TNPO3: variants seen among roughly 807,000 people sequenced by gnomAD.
The protein encoded by TNPO3 is transportin-3.
TNPO3 carries 65 observed loss-of-function variants against 122.8 expected under a neutral mutation model. The ratio of observed to expected loss-of-function variants is 0.53; its 90% confidence interval spans 0.43 to 0.65. The LOEUF (loss-of-function observed/expected upper bound fraction) is 0.65, where lower values mean the gene tolerates loss of function less well. Ranked by LOEUF, TNPO3 falls within the 30% of genes least tolerant of loss-of-function variation. TNPO3 has a pLI of 0.00. For synonymous variants in TNPO3, 372 were observed against 411.2 expected, an observed-to-expected ratio of 0.90 and a Z score of 1.15; for missense variants, 850 against 1,136.7, an observed-to-expected ratio of 0.75 and a Z score of 3.63.
At chr7:128,979,342 C>T (rs755142210) in intron 15 of TNPO3, among the ~76,000 whole-genome samples, 3 of 152,184 alleles carry the variant, frequency 2.0e-5, no homozygotes, top group Admixed American at 6.5e-5. Flanking sequence ...ACTGGAAGAG[C>T]ATGTCTAACT....
upstream of TNPO3, chr7:129,055,858 G>C: frequency 6.8e-6 from 4 of 584,184 alleles, no homozygotes; most frequent in Non-Finnish European, 1.2e-5. Context: ...ATTGCTGCTA[G>C]TCCTTTGCAC....
intron 2 of TNPO3, 89 bp downstream of exon 2, chr7:129,017,868 C>T (rs1804020896): frequency 1.8e-5 from 24 of 1,320,866 alleles, no homozygotes; most frequent in Non-Finnish European, 2.5e-5. Flanking sequence ...GTTAACATTA[C>T]CTCACATGGC....
At position 129,000,239 on chromosome 7, in the gene TNPO3, C is replaced by T. The variant is rs4731536; in HGVS notation, c.1011+190G>A. 0.59 allele frequency among the ~76,000 whole-genome samples: 89,576 copies of T among 152,026 alleles called. 26,602 individuals are homozygous for T. The highest frequency in any genetic ancestry group is 0.62 in the South Asian group (2,967 of 4,808). ...CAGCCCAGCCAACCAGGTAAGAAAA[C>T]AGAAATGGACACAATGCAGAAACCC... On this transcript the variant is annotated intron_variant, in intron 7 of 22. Transcript: ENST00000265388.
At chr7:128,986,145 C>CATCT (rs1800118844) in intron 12 of TNPO3, among the ~76,000 whole-genome samples, 1 of 152,112 alleles carries the variant, frequency 6.6e-6, no homozygotes, top group Non-Finnish European at 1.5e-5. Flanking sequence ...TTTATAAGAC[C>CATCT]ATCTTTCAAA....
intron 22 of TNPO3, among the ~76,000 whole-genome samples, chr7:128,956,766 T>C (rs1219062858): frequency 6.6e-6 from 1 of 152,192 alleles, no homozygotes; most frequent in Non-Finnish European, 1.5e-5. Flanking sequence ...CACTTCAGCA[T>C]TCAGGTCATA....
At chr7:129,016,632 C>G (rs1297340658) in intron 3 of TNPO3, among the ~76,000 whole-genome samples, 1 of 152,136 alleles carries the variant, frequency 6.6e-6, no homozygotes, top group Non-Finnish European at 1.5e-5. Context: ...TTAGTAAGAA[C>G]ACATATTCAT....
chr7:129,019,156 G>T (rs1395764487), intron 1 of TNPO3, among the ~76,000 whole-genome samples: 2 of 152,218 alleles, frequency 1.3e-5, no homozygotes, highest in Admixed American at 6.5e-5. Context: ...CTAGTAGCCA[G>T]TCACAATTAT....
At chr7:128,988,657 G>C (rs1800427719) in intron 11 of TNPO3, among the ~76,000 whole-genome samples, 1 of 152,088 alleles carries the variant, frequency 6.6e-6, no homozygotes, top group Non-Finnish European at 1.5e-5. Context: ...TTAACTGAAG[G>C]TATTAAAACA....
At chr7:129,007,189 T>A (rs1422650568) in intron 4 of TNPO3, among the ~76,000 whole-genome samples, 2 of 152,190 alleles carry the variant, frequency 1.3e-5, no homozygotes, top group African/African-American at 4.8e-5. Context: ...ATTATACTGA[T>A]GAGAAAACTG....
At chr7:129,025,975 A>T (rs977715441) in intron 1 of TNPO3, among the ~76,000 whole-genome samples, 1 of 151,908 alleles carries the variant, frequency 6.6e-6, no homozygotes, top group Admixed American at 6.6e-5. Context: ...AAAATGCAAA[A>T]ATTAGCTAGG....
intron 1 of TNPO3, among the ~76,000 whole-genome samples, chr7:129,044,289 A>G (rs1271325151): frequency 2.6e-5 from 4 of 152,172 alleles, no homozygotes; most frequent in Non-Finnish European, 4.4e-5. Context: ...TTTCATGTCT[A>G]GTTCCAAATA....
At chr7:128,971,000 A>G (rs974582328) in intron 19 of TNPO3, 1 of 152,022 alleles carries the variant, frequency 6.6e-6, no homozygotes, top group Non-Finnish European at 1.5e-5. Flanking sequence ...TGGCCACTAC[A>G]GTCTGTCTGG....
chr7:128,976,133 C>G (rs1799035026), intron 16 of TNPO3, among the ~76,000 whole-genome samples, 198 bp from the exon 17 acceptor site: 2 of 152,182 alleles, frequency 1.3e-5, no homozygotes, highest in African/African-American at 2.4e-5. Context: ...TTCTTCCAAC[C>G]CTTTGACCTT....
In TNPO3 at chr7:129,027,589, A is replaced by AC. The variant is rs1563107466; in HGVS notation, c.121-9433_121-9432insG. On this transcript the variant is annotated intron_variant, in intron 1 of 22. Transcript: ENST00000265388. ...AAAAAAAAAAAAAAAAAAAAAAAAA[A>AC]AACAACACAAAAAATTCACTAAATA... Among the ~76,000 whole-genome samples, 17 of 77,498 alleles carry AC rather than the reference A, an allele frequency of 2.2e-4. 1 individual carries two copies. The highest frequency in any genetic ancestry group is 3.4e-4 in the Non-Finnish European group (13 of 37,942). The allele number at this position is 77,498 out of a possible 152,430, so 50.8% of individuals were successfully genotyped here. A position where few individuals can be genotyped will look rare whatever the true frequency, so the allele number is the denominator to read the frequency against.
chr7:128,957,114 ACTCT>A, intron 22 of TNPO3, 106 bp downstream of exon 22: 1 of 925,024 alleles, frequency 1.1e-6, no homozygotes, highest in Non-Finnish European at 1.7e-6. Context: ...TCCTTCCCTG[ACTCT>A]AGCTATAAGA....
intron 15 of TNPO3, among the ~76,000 whole-genome samples, chr7:128,979,697 T>C (rs1799439600): frequency 6.6e-6 from 1 of 152,222 alleles, no homozygotes. Context: ...CTGCTGGTAT[T>C]GATCAGGCCT....
intron 1 of TNPO3, among the ~76,000 whole-genome samples, chr7:129,040,786 G>C (rs1807283763): frequency 6.6e-6 from 1 of 152,066 alleles, no homozygotes; most frequent in African/African-American, 2.4e-5. Flanking sequence ...GTATCAAGTA[G>C]AAGCAAAAGG....
chr7:128,997,588 A>C, intron 7 of TNPO3, 53 bp from the exon 8 acceptor site: 3 of 1,483,948 alleles, frequency 2.0e-6, no homozygotes, highest in Non-Finnish European at 2.8e-6. Context: ...TAGAATAAGA[A>C]GACATTTTAT....
chr7:128,978,883 A>T (rs1799346078), intron 16 of TNPO3, 100 bp downstream of exon 16: 3 of 1,408,242 alleles, frequency 2.1e-6, no homozygotes, highest in African/African-American at 1.4e-5. Context: ...CCACCTGCAT[A>T]GGCCTCCCAA....
Sources: gnomAD v4.1 joint callset for allele counts (sites outside exome capture counted in the v4.1 genomes callset) on GRCh38, gnomAD v4.1.1 for gene constraint, MANE v1.5 for transcripts, NCBI Gene and HGNC (gene_info 2026-07-23, HGNC 2026-07-21) for gene names.